ZNF431: variants seen among roughly 807,000 people sequenced by gnomAD.
The protein encoded by ZNF431 is zinc finger protein 431.
ZNF431 carries 34 observed loss-of-function variants against 57.0 expected under a neutral mutation model. That is an observed-to-expected ratio of 0.60 (90% CI 0.45 to 0.79). The LOEUF (loss-of-function observed/expected upper bound fraction) is 0.79. Among genes scored for constraint, ZNF431 ranks in the 30% least tolerant of loss-of-function variants. The pLI is 0.00. For missense variants in ZNF431, 607 were observed against 667.1 expected (o/e 0.91, Z 0.99); for synonymous variants, 207 against 220.3 (o/e 0.94, Z 0.54).
At chr19:21,172,368 C>A (rs2145014959) in intron 4 of ZNF431, among the ~76,000 whole-genome samples, 1 of 146,642 alleles carries the variant, frequency 6.8e-6, no homozygotes, top group African/African-American at 2.5e-5. Flanking sequence ...ACAGAGGTTG[C>A]AGTGAGCCGA....
chr19:21,180,255 T>G (rs1971172972), intron 4 of ZNF431, among the ~76,000 whole-genome samples: 1 of 152,328 alleles, frequency 6.6e-6, no homozygotes, highest in East Asian at 1.9e-4. Flanking sequence ...GTTGTTGATG[T>G]AGTTGTTTTA....
chr19:21,170,846 T>C (rs1431997339), intron 4 of ZNF431, among the ~76,000 whole-genome samples: 1 of 152,110 alleles, frequency 6.6e-6, no homozygotes, highest in Non-Finnish European at 1.5e-5. Context: ...GTTACTTTTT[T>C]GTATTTTTAG....
At chr19:21,173,300 C>T (rs1012931456) in intron 4 of ZNF431, among the ~76,000 whole-genome samples, 2 of 147,742 alleles carry the variant, frequency 1.4e-5, no homozygotes, top group Non-Finnish European at 3.0e-5. Context: ...GATATAGCTT[C>T]GTAAGAGTGG....
chr19:21,174,741 A>G (rs903034136), intron 4 of ZNF431, among the ~76,000 whole-genome samples: 6 of 151,854 alleles, frequency 4.0e-5, no homozygotes, highest in African/African-American at 1.5e-4. Context: ...TCTTTTTATA[A>G]ATGTATGTAT....
At chr19:21,165,802 T>G (rs532046423) in intron 2 of ZNF431, among the ~76,000 whole-genome samples, 1 of 152,230 alleles carries the variant, frequency 6.6e-6, no homozygotes, top group Admixed American at 6.5e-5. Context: ...AAAAACACAG[T>G]CTCTTTCACT....
rs1173249231 is a variant in ZNF431 at position 21,182,552 on chromosome 19, A to G, written c.320-71A>G. The G allele has an allele frequency of 2.8e-6, 4 of 1,450,136 alleles. No individual in the cohort carries two copies. The African/African-American group carries it at 4.3e-5, about 15-fold the overall frequency. 89.8% of individuals were successfully genotyped at this position (1,450,136 alleles called of 1,614,324 possible). A position where few individuals can be genotyped will look rare whatever the true frequency, so the allele number is the denominator to read the frequency against. On this transcript the variant is annotated intron_variant, in intron 4 of 4. Coordinates refer to ENST00000311048, the MANE Select transcript of ZNF431 (RefSeq NM_133473.4). Reference sequence around the variant, plus strand: ...CTTGTTTATGTAGTTTGTATAATGTAGGTTAGATTTGTAAAGTATGTTTAT... The same window carrying G: ...CTTGTTTATGTAGTTTGTATAATGTGGGTTAGATTTGTAAAGTATGTTTAT...
In ZNF431 at chr19:21,183,245, G is replaced by A. The variant is rs541877813; in HGVS notation, c.942G>A (p.Lys314=). 35 of 1,605,430 alleles carry A rather than the reference G, an allele frequency of 2.2e-5. No homozygotes were observed. In the East Asian group the frequency reaches 2.3e-4, roughly 10 times the overall value. The change falls in exon 5 of 5, where the codon AAG becomes AAA. Residue 314 remains lysine (K), a synonymous_variant. Coordinates refer to ENST00000311048, the MANE Select transcript of ZNF431 (RefSeq NM_133473.4). ...ATAAGATAATTCATACTGGAGAGAA[G>A]CCCTACAAATGTGAAGAATGTGGCA... ...TTHKIIHTGE[K]PYKCEECGKA...
rs532528554 is a variant in ZNF431, at chr19:21,180,074, A to T, written c.320-2549A>T. Among the ~76,000 whole-genome samples, 3 of 151,984 alleles carry T rather than the reference A, an allele frequency of 2.0e-5. No individual in the cohort carries two copies. The South Asian group carries it at 6.2e-4, about 32-fold the overall frequency. On this transcript the variant is annotated intron_variant, in intron 4 of 4. Coordinates refer to ENST00000311048, the MANE Select transcript of ZNF431 (RefSeq NM_133473.4). ...CTAATTTTTTGTATTTTTAGTAGAG[A>T]TGGGGTTTCACTATGTTGGTCAGGC...
rs1016851787 is a variant in ZNF431 at position 21,194,138 on chromosome 19, G to A, written c.*10104G>A. On this transcript the variant is annotated 3_prime_UTR_variant, in exon 5 of 5. Coordinates refer to ENST00000311048, the MANE Select transcript of ZNF431 (RefSeq NM_133473.4). Reference sequence around the variant, plus strand: ...AGGATTTTACCAAAAGACTCCTAAGGTTAAAAATGACTTCAGCAAAGTCTC... The same window carrying A: ...AGGATTTTACCAAAAGACTCCTAAGATTAAAAATGACTTCAGCAAAGTCTC... The A allele has an allele frequency of 6.6e-6, 1 of 152,106 alleles. No individual in the cohort carries two copies. Among genetic ancestry groups the A allele is most frequent in the African/African-American group, 2.4e-5 (1 of 41,420 alleles). 9.4% of individuals were successfully genotyped at this position (152,106 alleles called of 1,614,324 possible). A position where few individuals can be genotyped will look rare whatever the true frequency, so the allele number is the denominator to read the frequency against.
rs73541746 is a variant in ZNF431 at position 21,169,682 on chromosome 19, A to G, written c.319+2016A>G. ...TAAGACTTTGATCTGTAGGGCAGAT[A>G]CCAGGGCAGATTTCTGCAGTTGGCT... On this transcript the variant is annotated intron_variant, in intron 4 of 4. Coordinates refer to ENST00000311048, the MANE Select transcript of ZNF431 (RefSeq NM_133473.4). The G allele has an allele frequency of 4.3e-3, 1,728 of 397,292 alleles. 33 individuals carry two copies. Among genetic ancestry groups the G allele is most frequent in the African/African-American group, 0.032 (1,582 of 48,706 alleles). 24.6% of individuals were successfully genotyped at this position (397,292 alleles called of 1,614,324 possible).
At chr19:21,149,311 G>A (rs903569788) in intron 2 of ZNF431, among the ~76,000 whole-genome samples, 18 of 152,118 alleles carry the variant, frequency 1.2e-4, no homozygotes, top group African/African-American at 4.1e-4. Context: ...AATCTAATAT[G>A]TGACCTATAT....
chr19:21,142,540 C>A (rs867964812), intron 1 of ZNF431, among the ~76,000 whole-genome samples: 3 of 152,180 alleles, frequency 2.0e-5, no homozygotes, highest in South Asian at 4.1e-4. Context: ...ATGGGAAGAG[C>A]TTTGTTCCGT....
At chr19:21,142,974 A>G (rs1157973407) in intron 1 of ZNF431, among the ~76,000 whole-genome samples, 1 of 152,074 alleles carries the variant, frequency 6.6e-6, no homozygotes, top group Non-Finnish European at 1.5e-5. Flanking sequence ...TTCACAGTCC[A>G]TGGGGAGCTG....
At chr19:21,163,490 C>G (rs908648012) in intron 2 of ZNF431, among the ~76,000 whole-genome samples, 1 of 152,184 alleles carries the variant, frequency 6.6e-6, no homozygotes, top group East Asian at 1.9e-4. Context: ...CCTGCAGATT[C>G]ACATTACATA....
chr19:21,154,624 A>G (rs1970368105), intron 2 of ZNF431, among the ~76,000 whole-genome samples: 1 of 152,136 alleles, frequency 6.6e-6, no homozygotes, highest in Admixed American at 6.5e-5. Context: ...GAACTAGTTT[A>G]CAGTCCCACC....
rs1827181475 is a variant in ZNF431, at chr19:21,189,318, C to G, written c.*5284C>G. The G allele has an allele frequency of 6.6e-6, 1 of 152,028 alleles. No individual in the cohort carries two copies. The allele number at this position is 152,028 out of a possible 1,614,324, so 9.4% of individuals were successfully genotyped here. On this transcript the variant is annotated 3_prime_UTR_variant, in exon 5 of 5. Transcript: ENST00000311048. ...TGGCGACCATGGGGAAACCCTGTCT[C>G]TACTAAAAATACAAAATAAGCAGCG...
In ZNF431 at chr19:21,189,356, T is replaced by G. The variant is rs189748580; in HGVS notation, c.*5322T>G. ...AAAATAAGCAGCGTGTGGTGACACATGCCTGTAATCCAGCTACCCTGGAGG... is the reference window on the plus strand; with the variant it reads ...AAAATAAGCAGCGTGTGGTGACACAGGCCTGTAATCCAGCTACCCTGGAGG... On this transcript the variant is annotated 3_prime_UTR_variant, in exon 5 of 5. Coordinates refer to ENST00000311048, the MANE Select transcript of ZNF431 (RefSeq NM_133473.4). 1 of 152,018 alleles carries G rather than the reference T, an allele frequency of 6.6e-6. No homozygotes were observed. The highest frequency in any genetic ancestry group is 1.5e-5 in the Non-Finnish European group (1 of 68,028). The allele number at this position is 152,018 out of a possible 1,614,324, so 9.4% of individuals were successfully genotyped here.
Position 21,187,770 on chromosome 19 carries a change from TCTC to T in ZNF431, c.*3737_*3739del, listed in dbSNP as rs1390078284. 2 of 152,156 alleles carry T rather than the reference TCTC, an allele frequency of 1.3e-5. No homozygotes were observed. Among genetic ancestry groups the T allele is most frequent in the Non-Finnish European group, 2.9e-5 (2 of 68,032 alleles). The allele number at this position is 152,156 out of a possible 1,614,324, so 9.4% of individuals were successfully genotyped here. On this transcript the variant is annotated 3_prime_UTR_variant, in exon 5 of 5. Coordinates refer to ENST00000311048, the MANE Select transcript of ZNF431 (RefSeq NM_133473.4). ...AAGAGAAATTCTTTTATTTTCTACT[TCTC>T]TTCAGATTTGTCTTATGCATTTTCC...
chr19:21,164,862 G>C lies in ZNF431; in HGVS notation c.97-1473G>C, dbSNP rs7251574. Among the ~76,000 whole-genome samples, 1,174 of 152,016 alleles carry C rather than the reference G, an allele frequency of 7.7e-3. 16 individuals are homozygous for C. Among genetic ancestry groups the C allele is most frequent in the African/African-American group, 0.024 (987 of 41,450 alleles). On this transcript the variant is annotated intron_variant, in intron 2 of 4. Coordinates refer to ENST00000311048, the MANE Select transcript of ZNF431 (RefSeq NM_133473.4). ...GCGGTGGCTCATGCCTTTAATCCCA[G>C]GATTTTGGGAGGCCGAGGCAGGTGG...
Sources: gnomAD v4.1 joint callset for allele counts (sites outside exome capture counted in the v4.1 genomes callset) on GRCh38, gnomAD v4.1.1 for gene constraint, MANE v1.5 for transcripts, NCBI Gene and HGNC (gene_info 2026-07-23, HGNC 2026-07-21) for gene names.